The following GLIS2 variants were observed in gnomAD, a reference collection of about 807,000 sequenced individuals.
The protein encoded by GLIS2 is GLIS family zinc finger 2, also known as zinc finger protein GLIS2.
GLIS2 carries 14 observed loss-of-function variants against 35.6 expected under a neutral mutation model. The ratio of observed to expected loss-of-function variants is 0.39; its 90% confidence interval spans 0.26 to 0.61. The LOEUF (loss-of-function observed/expected upper bound fraction) is 0.61. Among genes scored for constraint, GLIS2 ranks in the 20% least tolerant of loss-of-function variants. The probability of loss-of-function intolerance (pLI) is 0.48; values close to 1 mark genes in which losing one functional copy is unlikely to be tolerated. For synonymous variants in GLIS2, 368 were observed against 325.1 expected (o/e 1.13, Z -1.42); for missense variants, 675 against 713.4 (o/e 0.95, Z 0.61).
At chr16:4,316,865 C>G (rs1011381150) in intron 1 of GLIS2, among the ~76,000 whole-genome samples, 2 of 152,168 alleles carry the variant, frequency 1.3e-5, no homozygotes, top group South Asian at 4.1e-4. Context: ...GGCGACCGGC[C>G]TGGCAGGGAG....
In GLIS2 at chr16:4,320,929, G is replaced by T. The variant is rs1011949194; in HGVS notation, c.-67+4675G>T. On this transcript the variant is annotated intron_variant, in intron 1 of 6. Transcript: ENST00000433375. This position sits in a 1 kb window ranked among gnomAD's most constrained non-coding sequence, Gnocchi z 5.6. Reference sequence around the variant, plus strand: ...CTTGGTTCTAGGGCCACTGGGCCCCGAGGGCCTGGAGCCACCAGGCCTGGC... The same window carrying T: ...CTTGGTTCTAGGGCCACTGGGCCCCTAGGGCCTGGAGCCACCAGGCCTGGC... Among the ~76,000 whole-genome samples, 1 of 152,176 alleles carries T rather than the reference G, an allele frequency of 6.6e-6. No homozygotes were observed. Among genetic ancestry groups the T allele is most frequent in the African/African-American group, 2.4e-5 (1 of 41,442 alleles).
Position 4,332,398 on chromosome 16 carries a change from C to T in GLIS2, c.118C>T (p.Leu40=). 1 of 1,612,874 alleles carries T rather than the reference C, an allele frequency of 6.2e-7. No individual in the cohort carries two copies. Among genetic ancestry groups the T allele is most frequent in the Non-Finnish European group, 8.5e-7 (1 of 1,180,010 alleles). Residue 40 remains leucine (L), a synonymous_variant, in exon 2 of 7, where the codon CTG becomes TTG. Transcript: ENST00000433375. The surrounding 1 kb of genome is among the most constrained non-coding windows in gnomAD (Gnocchi z 5.4). ...CCGGCCCCGTGCTCTGCACAGGGAGCTGGGCCTGGTGGATGACAGCCCCAC... is the reference window on the plus strand; with the variant it reads ...CCGGCCCCGTGCTCTGCACAGGGAGTTGGGCCTGGTGGATGACAGCCCCAC... ...VVRPRALHRE[L]GLVDDSPTPG...
chr16:4,321,775 C>T (rs1231126420), intron 1 of GLIS2, among the ~76,000 whole-genome samples: 1 of 152,186 alleles, frequency 6.6e-6, no homozygotes. Context: ...CGGCCCACTC[C>T]CAGGCTCCCT....
In GLIS2 at chr16:4,337,055, G is replaced by T. The variant is rs1164806695; in HGVS notation, c.1106G>T (p.Gly369Val). The part of the protein sequence containing the change: ...AALFGGPGLP[G>V]LPLPLAPGPL... ...CTCTTTGGAGGCCCTGGCCTGCCCG[G>T]CTTACCCCTACCCCTGGCCCCCGGC... The change falls in exon 7 of 7, where the codon GGC (glycine) becomes GTC (valine). Residue 369 changes from glycine to valine, a missense_variant. Around this residue, in one of 3 missense-constraint regions of GLIS2, gnomAD observed 317 missense variants for 283.2 expected, o/e 1.12. Transcript: ENST00000433375. 1 of 1,567,570 alleles carries T rather than the reference G, an allele frequency of 6.4e-7. No homozygotes were observed. Among genetic ancestry groups the T allele is most frequent in the East Asian group, 2.4e-5 (1 of 42,428 alleles).
intron 1 of GLIS2, among the ~76,000 whole-genome samples, chr16:4,322,076 GAA>G (rs1238446640): frequency 6.6e-6 from 1 of 151,974 alleles, no homozygotes; most frequent in Non-Finnish European, 1.5e-5. Context: ...GTGGCTGGAG[GAA>G]AGAGAACAGG....
Position 4,333,458 on chromosome 16 carries a change from G to C in GLIS2, c.284G>C (p.Ser95Thr), listed in dbSNP as rs2053518597. The change falls in exon 3 of 7, where the codon AGC becomes ACC. Residue 95 changes from serine (S) to threonine (T), a missense_variant. Physicochemically the swap from Ser to Thr is moderately conservative, Grantham distance 58. Transcript: ENST00000433375. ...TCTGGGCTGGACTCCCCCAATGGCA[G>C]CAGCTCGCTGTCCCCCGAGCGCCAG... ...PPSGLDSPNG[S>T]SSLSPERQGN... is the part of the protein sequence containing the mutation. 1.2e-6 allele frequency: 2 copies of C among 1,612,814 alleles called. No homozygotes were observed. Among genetic ancestry groups the C allele is most frequent in the East Asian group, 4.5e-5 (2 of 44,886 alleles).
At position 4,333,355 on chromosome 16, in the gene GLIS2, C is replaced by T; in HGVS notation, c.181C>T (p.Leu61=). 6.2e-7 allele frequency: 1 copy of T among 1,613,084 alleles called. No individual in the cohort carries two copies. The highest frequency in any genetic ancestry group is 1.1e-5 in the South Asian group (1 of 91,086). Residue 61 remains leucine (L), a synonymous_variant, in exon 3 of 7, where the codon CTG becomes TTG. Coordinates refer to ENST00000433375, the MANE Select transcript of GLIS2 (RefSeq NM_032575.3). ...SPGSPPSGFL[L]NSKFPEKVEG... ...CTGTGCCTCTCCCTCAGGCTTCCTG[C>T]TGAACTCCAAGTTCCCCGAGAAGGT...
In GLIS2 at chr16:4,323,717, C is replaced by T. The variant is rs565952067; in HGVS notation, c.-67+7463C>T. On this transcript the variant is annotated intron_variant, in intron 1 of 6. Coordinates refer to ENST00000433375, the MANE Select transcript of GLIS2 (RefSeq NM_032575.3). Reference sequence around the variant, plus strand: ...GCCCGTCTTCCAGCTTCAGCTCTGCCTGAATTATCTGGGTGACCTTGGCAG... The same window carrying T: ...GCCCGTCTTCCAGCTTCAGCTCTGCTTGAATTATCTGGGTGACCTTGGCAG... Among the ~76,000 whole-genome samples, 4 of 152,332 alleles carry T rather than the reference C, an allele frequency of 2.6e-5. No homozygotes were observed. In the South Asian group the frequency reaches 6.2e-4, roughly 24 times the overall value.
rs1418394742 is a variant in GLIS2 at position 4,339,531 on chromosome 16, A to G, written c.*2007A>G. 1 of 152,478 alleles carries G rather than the reference A, an allele frequency of 6.6e-6. No individual in the cohort carries two copies. The highest frequency in any genetic ancestry group is 1.5e-5 in the Non-Finnish European group (1 of 68,038). 9.4% of individuals were successfully genotyped at this position (152,478 alleles called of 1,614,324 possible). On this transcript the variant is annotated 3_prime_UTR_variant, in exon 7 of 7. Transcript: ENST00000433375. ...TAAAAAAAGAGATAAGCTAATGACT[A>G]TAACAATATATTCCTCCATGGGAGA...
intron 1 of GLIS2, among the ~76,000 whole-genome samples, chr16:4,330,475 C>T (rs1002871477): frequency 6.6e-6 from 1 of 152,238 alleles, no homozygotes; most frequent in East Asian, 1.9e-4. Context: ...CCCAGCTGCC[C>T]CCTGGTGGCG....
Position 4,335,634 on chromosome 16 carries a change from G to C in GLIS2, c.775+241G>C, listed in dbSNP as rs2053542731. ...CAATGCCATTTCCTGGTTCCCGTGG[G>C]TATCTTCTGACTAATGCCACCTCTG... On this transcript the variant is annotated intron_variant, in intron 6 of 6. Transcript: ENST00000433375. This position sits in a 1 kb window ranked among gnomAD's most constrained non-coding sequence, Gnocchi z 4.6. Among the ~76,000 whole-genome samples the C allele has an allele frequency of 6.6e-6, 1 of 152,200 alleles. No individual in the cohort carries two copies. Among genetic ancestry groups the C allele is most frequent in the African/African-American group, 2.4e-5 (1 of 41,454 alleles).
At chr16:4,328,324 A>T (rs1406976636) in intron 1 of GLIS2, 1 of 152,390 alleles carries the variant, frequency 6.6e-6, no homozygotes, top group African/African-American at 2.4e-5. Context: ...TCAGGAGAGC[A>T]GGAACCTAGC....
Position 4,334,745 on chromosome 16 carries a change from G to A in GLIS2, c.346-56G>A, listed in dbSNP as rs1596241417. ...GGACACCATTCAGTCCACTACCGAT[G>A]GGACGGGGGGCTCTGGGCCAGCAGG... On this transcript the variant is annotated intron_variant, in intron 3 of 6. Coordinates refer to ENST00000433375, the MANE Select transcript of GLIS2 (RefSeq NM_032575.3). The A allele has an allele frequency of 5.0e-6, 8 of 1,604,304 alleles. No individual in the cohort carries two copies. The East Asian group carries it at 1.8e-4, about 36-fold the overall frequency.
rs2053367738 is a variant in GLIS2 at position 4,320,584 on chromosome 16, G to C, written c.-67+4330G>C. Among the ~76,000 whole-genome samples the C allele has an allele frequency of 6.6e-6, 1 of 152,110 alleles. No homozygotes were observed. Among genetic ancestry groups the C allele is most frequent in the Non-Finnish European group, 1.5e-5 (1 of 68,022 alleles). ...TCCACTCCTGCCCCCCACGTCCACT[G>C]CAAGGGCATGACGGGGGCCAACGTG... On this transcript the variant is annotated intron_variant, in intron 1 of 6. Coordinates refer to ENST00000433375, the MANE Select transcript of GLIS2 (RefSeq NM_032575.3). This position sits in a 1 kb window ranked among gnomAD's most constrained non-coding sequence, Gnocchi z 5.6.
At position 4,332,258 on chromosome 16, in the gene GLIS2, C is replaced by T; in HGVS notation, c.-23C>T. 1 of 1,609,702 alleles carries T rather than the reference C, an allele frequency of 6.2e-7. No homozygotes were observed. The highest frequency in any genetic ancestry group is 1.7e-4 in the Middle Eastern group (1 of 6,056). On this transcript the variant is annotated 5_prime_UTR_variant, in exon 2 of 7. Transcript: ENST00000433375. This position sits in a 1 kb window ranked among gnomAD's most constrained non-coding sequence, Gnocchi z 5.4. ...GCTGGGAGCCCACTGCCTGCTGCCA[C>T]CTCCAACTCCGGCCCCCTCACCATG...
Position 4,332,990 on chromosome 16 carries a change from A to G in GLIS2, c.173-357A>G, listed in dbSNP as rs1481735458. ...TTACAGAAGGGAACACTGAGGCAGG[A>G]AGGGGCCTGGGAAAAGCTAGAAAGG... On this transcript the variant is annotated intron_variant, in intron 2 of 6. Coordinates refer to ENST00000433375, the MANE Select transcript of GLIS2 (RefSeq NM_032575.3). This position sits in a 1 kb window ranked among gnomAD's most constrained non-coding sequence, Gnocchi z 5.4. Among the ~76,000 whole-genome samples the G allele has an allele frequency of 6.6e-6, 1 of 152,170 alleles. No individual in the cohort carries two copies. Among genetic ancestry groups the G allele is most frequent in the Non-Finnish European group, 1.5e-5 (1 of 68,030 alleles).
chr16:4,314,807 T>A (rs1421270308), upstream of GLIS2: 1 of 152,238 alleles, frequency 6.6e-6, no homozygotes, highest in Non-Finnish European at 1.5e-5. Flanking sequence ...GCCTTTTTCG[T>A]CTCCTAGGCT....
intron 6 of GLIS2, chr16:4,336,040 T>C (rs1160770093): frequency 5.6e-6 from 1 of 177,194 alleles, no homozygotes; most frequent in African/African-American, 2.4e-5. Context: ...AGAAGATGCC[T>C]GGTGAACCTT....
At chr16:4,326,392 A>C (rs1217250576) in intron 1 of GLIS2, 4 of 152,366 alleles carry the variant, frequency 2.6e-5, no homozygotes, top group Admixed American at 2.0e-4. Context: ...GGTGTTCCTC[A>C]CATTGCCCTT....
Sources: allele counts gnomAD v4.1 joint callset (sites outside exome capture counted in the v4.1 genomes callset), GRCh38; gene constraint gnomAD v4.1.1; regional missense constraint gnomAD v4.1.1; non-coding constraint Gnocchi (gnomAD v3.1); transcripts MANE v1.5; gene names NCBI Gene and HGNC (gene_info 2026-07-23, HGNC 2026-07-21).